Variants in PRSS12 observed in about 807,000 individuals in gnomAD.
The protein encoded by PRSS12 is serine protease 12.
PRSS12 carries 85 observed loss-of-function variants against 104.4 expected under a neutral mutation model. That is an observed-to-expected ratio of 0.81 (90% CI 0.68 to 0.98). The LOEUF (loss-of-function observed/expected upper bound fraction) is 0.98, where lower values mean the gene tolerates loss of function less well. Ranked by LOEUF, PRSS12 falls within the 50% of genes least tolerant of loss-of-function variation. The pLI is 0.00. For synonymous variants in PRSS12, 454 were observed against 425.2 expected, an observed-to-expected ratio of 1.07 and a Z score of -0.83; for missense variants, 1,141 against 1,139.2, an observed-to-expected ratio of 1.00 and a Z score of -0.02.
At chr4:118,330,519 G>C (rs987366431) in intron 4 of PRSS12, among the ~76,000 whole-genome samples, 2 of 151,758 alleles carry the variant, frequency 1.3e-5, no homozygotes, top group African/African-American at 4.8e-5. Flanking sequence ...AAAAAAAACA[G>C]CAACAACAAA....
intron 8 of PRSS12, among the ~76,000 whole-genome samples, chr4:118,304,369 T>C (rs754941800): frequency 2.6e-5 from 4 of 152,018 alleles, no homozygotes; most frequent in Non-Finnish European, 5.9e-5. Flanking sequence ...CAAATTACTA[T>C]ATTTATATTT....
chr4:118,349,925 C>A (rs567451915), intron 1 of PRSS12, among the ~76,000 whole-genome samples: 7 of 152,234 alleles, frequency 4.6e-5, no homozygotes, highest in African/African-American at 1.7e-4. Context: ...ATCGCTTGAA[C>A]CAGGGAGGCG....
intron 3 of PRSS12, among the ~76,000 whole-genome samples, chr4:118,334,257 T>C (rs891337693): frequency 6.6e-6 from 1 of 152,042 alleles, no homozygotes; most frequent in Non-Finnish European, 1.5e-5. Context: ...AACCAGAATA[T>C]AAACAGATGA....
In PRSS12 at chr4:118,282,087, C is replaced by A. The variant is rs1186729123; in HGVS notation, c.2477G>T (p.Gly826Val). ...GGGCCGTTCACACATGAGTGGTCCT[C>A]CGCTGTCTCCCTGGCAGCTGTCCAC... ...KRVDSCQGDSGGPLMCERPGE... is the reference protein window; with the variant it reads ...KRVDSCQGDSVGPLMCERPGE... Residue 826 changes from glycine (G) to valine (V), a missense_variant, in exon 13 of 13, where the codon GGA becomes GTA. Coordinates refer to ENST00000296498, the MANE Select transcript of PRSS12 (RefSeq NM_003619.4). 2 of 1,614,198 alleles carry A rather than the reference C, an allele frequency of 1.2e-6. No homozygotes were observed. Among genetic ancestry groups the A allele is most frequent in the South Asian group, 1.1e-5 (1 of 91,078 alleles).
In PRSS12 at chr4:118,334,476, T is replaced by C. The variant is rs556001828; in HGVS notation, c.820+997A>G. On this transcript the variant is annotated intron_variant, in intron 3 of 12. Transcript: ENST00000296498. ...GAAGCAGCATTGGATTTAGCAAAAG[T>C]AGCATTACCCAAAGGTAGAGAACCA... 4.6e-5 allele frequency among the ~76,000 whole-genome samples: 7 copies of C among 152,004 alleles called. No individual in the cohort carries two copies. The South Asian group carries it at 1.2e-3, about 27-fold the overall frequency.
intron 3 of PRSS12, among the ~76,000 whole-genome samples, chr4:118,333,841 G>T (rs1449468527): frequency 6.6e-6 from 1 of 152,138 alleles, no homozygotes; most frequent in Non-Finnish European, 1.5e-5. Context: ...ACAAGATTTA[G>T]TTAACAGCCC....
At chr4:118,311,266 T>C (rs974662058) in intron 7 of PRSS12, among the ~76,000 whole-genome samples, 15 of 152,178 alleles carry the variant, frequency 9.9e-5, no homozygotes, top group African/African-American at 3.1e-4. Flanking sequence ...TTACTTTTAC[T>C]AATCTAGAAT....
chr4:118,295,161 AGGTGG>A (rs1203308429), intron 10 of PRSS12, 100 bp from the exon 11 acceptor site: 2 of 1,377,380 alleles, frequency 1.5e-6, no homozygotes, highest in East Asian at 5.5e-5. Context: ...AATGCCTTGC[AGGTGG>A]GGGAAAAGGA....
Position 118,316,427 on chromosome 4 carries a change from C to G in PRSS12, c.1151-104G>C. 5 of 1,417,844 alleles carry G rather than the reference C, an allele frequency of 3.5e-6. 1 individual carries two copies. The highest frequency in any genetic ancestry group is 4.9e-6 in the Non-Finnish European group (5 of 1,024,162). The allele number at this position is 1,417,844 out of a possible 1,614,324, so 87.8% of individuals were successfully genotyped here. A position where few individuals can be genotyped will look rare whatever the true frequency, so the allele number is the denominator to read the frequency against. On this transcript the variant is annotated intron_variant, in intron 5 of 12. Transcript: ENST00000296498. ...AATATCACCATATTCAGGCCTCACTCTAGGCCTTTTGCTAAACTTACATTA... is the reference window on the plus strand; with the variant it reads ...AATATCACCATATTCAGGCCTCACTGTAGGCCTTTTGCTAAACTTACATTA...
chr4:118,310,204 A>C (rs1423059613), intron 7 of PRSS12, among the ~76,000 whole-genome samples: 1 of 152,226 alleles, frequency 6.6e-6, no homozygotes, highest in Non-Finnish European at 1.5e-5. Flanking sequence ...TACCAAAATC[A>C]AACAAATGAA....
chr4:118,299,111 T>C (rs969185901), intron 8 of PRSS12, among the ~76,000 whole-genome samples, 173 bp from the exon 9 acceptor site: 10 of 152,214 alleles, frequency 6.6e-5, no homozygotes, highest in Admixed American at 5.2e-4. Context: ...AAAAAGGTAT[T>C]AACTATACTT....
chr4:118,295,155 C>T, intron 10 of PRSS12, 94 bp from the exon 11 acceptor site: 2 of 1,481,312 alleles, frequency 1.4e-6, no homozygotes, highest in African/African-American at 1.4e-5. Flanking sequence ...AACTTTAATG[C>T]CTTGCAGGTG....
At chr4:118,317,179 T>G (rs1398079652) in intron 5 of PRSS12, among the ~76,000 whole-genome samples, 1 of 152,134 alleles carries the variant, frequency 6.6e-6, no homozygotes, top group Non-Finnish European at 1.5e-5. Context: ...CTGGAAGATA[T>G]GTCTCGCCTT....
At chr4:118,349,554 T>G (rs1477522703) in intron 1 of PRSS12, among the ~76,000 whole-genome samples, 2 of 152,220 alleles carry the variant, frequency 1.3e-5, no homozygotes, top group African/African-American at 4.8e-5. Flanking sequence ...ATGCAGATAT[T>G]TCTACATGTG....
Position 118,316,242 on chromosome 4 carries a change from A to G in PRSS12, c.1232T>C (p.Val411Ala), listed in dbSNP as rs758310944. Residue 411 changes from valine (V) to alanine (A), a missense_variant, in exon 6 of 13, where the codon GTC (valine) becomes GCC (alanine). Transcript: ENST00000296498. The stretch of plus-strand genomic sequence containing the variant: ...CAGCTCAGTCCAGCCATCATCACAG[A>G]CAGTTCCCCACTGGCCTCTGTAATA... ...EVYYRGQWGT[V>A]CDDGWTELNT... is the part of the protein sequence containing the mutation. 1 of 1,614,060 alleles carries G rather than the reference A, an allele frequency of 6.2e-7. No homozygotes were observed. Among genetic ancestry groups the G allele is most frequent in the Non-Finnish European group, 8.5e-7 (1 of 1,180,020 alleles).
intron 2 of PRSS12, among the ~76,000 whole-genome samples, chr4:118,337,446 A>G (rs1724088555): frequency 6.6e-6 from 1 of 152,232 alleles, no homozygotes; most frequent in Admixed American, 6.5e-5. Flanking sequence ...GTGAAACTCT[A>G]TGGCACAAGG....
chr4:118,332,946 A>G (rs1723965759), intron 3 of PRSS12, among the ~76,000 whole-genome samples: 1 of 152,204 alleles, frequency 6.6e-6, no homozygotes, highest in Non-Finnish European at 1.5e-5. Context: ...TTTACTGCCT[A>G]AGGGCGTCGA....
At chr4:118,312,488 C>T (rs1743769771) in intron 7 of PRSS12, among the ~76,000 whole-genome samples, 1 of 152,084 alleles carries the variant, frequency 6.6e-6, no homozygotes, top group South Asian at 2.1e-4. Flanking sequence ...TTCTGCCCTC[C>T]TCATCAGACA....
intron 5 of PRSS12, among the ~76,000 whole-genome samples, chr4:118,316,672 A>C (rs1030055584): frequency 1.3e-5 from 2 of 151,688 alleles, no homozygotes; most frequent in Non-Finnish European, 2.9e-5. Context: ...AAATACAAAA[A>C]TTAGCTGAGC....
Sources: allele counts gnomAD v4.1 joint callset (sites outside exome capture counted in the v4.1 genomes callset), GRCh38; gene constraint gnomAD v4.1.1; transcripts MANE v1.5; gene names NCBI Gene and HGNC (gene_info 2026-07-23, HGNC 2026-07-21).